Variants in NDST1 observed in about 807,000 individuals in gnomAD.
NDST1 encodes the protein N-deacetylase and N-sulfotransferase 1, also known as bifunctional heparan sulfate N-deacetylase/N-sulfotransferase 1.
Under a neutral mutation model 92.8 loss-of-function variants are expected in NDST1, and 35 were observed. The observed-to-expected ratio is 0.38, with a 90% CI of 0.29 to 0.50. NDST1 has a LOEUF of 0.50. NDST1 is among the 20% of genes least tolerant of loss of function. The probability of loss-of-function intolerance (pLI) is 0.94; values close to 1 mark genes in which losing one functional copy is unlikely to be tolerated. For missense variants in NDST1, 822 were observed against 1,182.7 expected (o/e 0.69, Z 4.47); for synonymous variants, 493 against 500.3 (o/e 0.99, Z 0.19).
chr5:150,540,023 G>T, intron 7 of NDST1, 59 bp from the exon 8 acceptor site: 1 of 1,598,258 alleles, frequency 6.3e-7, no homozygotes, highest in Non-Finnish European at 8.6e-7. Flanking sequence ...CAGAGTTGGC[G>T]GTGAGGGTGG....
intron 1 of NDST1, among the ~76,000 whole-genome samples, chr5:150,500,055 C>T (rs1407109939): frequency 6.6e-6 from 1 of 152,228 alleles, no homozygotes; most frequent in African/African-American, 2.4e-5. Context: ...GTCCAACTGT[C>T]TGTCCCGTCA....
chr5:150,535,548 C>A, intron 5 of NDST1, 152 bp from the exon 6 acceptor site: 1 of 1,181,336 alleles, frequency 8.5e-7, no homozygotes, highest in South Asian at 1.4e-5. Context: ...CTTGCCCTCC[C>A]AGGCCTCAGC....
intron 1 of NDST1, among the ~76,000 whole-genome samples, chr5:150,509,203 CTG>C (rs1753604758): frequency 6.6e-6 from 1 of 152,212 alleles, no homozygotes; most frequent in Non-Finnish European, 1.5e-5. Context: ...CAGGGTGTAT[CTG>C]AGGCCTGGAG....
At chr5:150,519,805 G>A (rs897300166) in intron 1 of NDST1, among the ~76,000 whole-genome samples, 7 of 152,228 alleles carry the variant, frequency 4.6e-5, no homozygotes, top group East Asian at 1.9e-4. Flanking sequence ...TGCTGTTTGG[G>A]ATGAGACAAT....
At chr5:150,547,925 C>T (rs1755562852) in intron 11 of NDST1, among the ~76,000 whole-genome samples, 1 of 152,158 alleles carries the variant, frequency 6.6e-6, no homozygotes, top group African/African-American at 2.4e-5. Flanking sequence ...CTCAAGTGAT[C>T]CACCCACCCC....
rs764351079 is a variant in NDST1, at chr5:150,522,769, CAGAG to C, written c.513+1003_513+1006del. Among the ~76,000 whole-genome samples the C allele has an allele frequency of 4.1e-3, 630 of 152,142 alleles. 3 individuals are homozygous for C. The highest frequency in any genetic ancestry group is 0.014 in the African/African-American group (598 of 41,480). On this transcript the variant is annotated intron_variant, in intron 2 of 14. Coordinates refer to ENST00000261797, the MANE Select transcript of NDST1 (RefSeq NM_001543.5). ...AAAGAAACAAAGCAGGGAAAGGACA[CAGAG>C]GGTAGTGGGGGTGGGAGCTTGACAT...
chr5:150,527,897 A>G lies in NDST1; in HGVS notation c.607A>G (p.Lys203Glu). 6.2e-7 allele frequency: 1 copy of G among 1,614,144 alleles called. No homozygotes were observed. The highest frequency in any genetic ancestry group is 8.5e-7 in the Non-Finnish European group (1 of 1,180,012). Reference protein sequence around the residue: ...LGLKDCSINPKSPLLYVTRPS... With the variant: ...LGLKDCSINPESPLLYVTRPS... ...CCTGAAGGACTGCAGCATCAACCCC[A>G]AGTCCCCGCTGCTCTACGTGACGCG... Residue 203 changes from lysine (K) to glutamate (E), a missense_variant, in exon 3 of 15, where the codon AAG (lysine) becomes GAG (glutamate). Coordinates refer to ENST00000261797, the MANE Select transcript of NDST1 (RefSeq NM_001543.5).
In NDST1 at chr5:150,535,122, A is replaced by G. The variant is rs1450808082; in HGVS notation, c.1251+101A>G. 3 of 1,500,404 alleles carry G rather than the reference A, an allele frequency of 2.0e-6. No individual in the cohort carries two copies. In the African/African-American group the frequency reaches 4.2e-5, roughly 21 times the overall value. 92.9% of individuals were successfully genotyped at this position (1,500,404 alleles called of 1,614,324 possible). A position where few individuals can be genotyped will look rare whatever the true frequency, so the allele number is the denominator to read the frequency against. ...CTGCTTTTGCAGTCTGCTCTGACGG[A>G]TTTTTACTAACACCTCTGGGCCAGG... On this transcript the variant is annotated intron_variant, in intron 5 of 14. Coordinates refer to ENST00000261797, the MANE Select transcript of NDST1 (RefSeq NM_001543.5).
chr5:150,535,058 C>CTA, intron 5 of NDST1, 37 bp downstream of exon 5: 1 of 1,595,206 alleles, frequency 6.3e-7, no homozygotes, highest in Non-Finnish European at 8.5e-7. Context: ...GCGGGGCGGG[C>CTA]TAAGGGCTGG....
rs201952833 is a variant in NDST1 at position 150,527,860 on chromosome 5, C to T, written c.570C>T (p.His190=). 6.8e-6 allele frequency: 11 copies of T among 1,614,058 alleles called. No homozygotes were observed. The highest frequency in any genetic ancestry group is 1.3e-5 in the African/African-American group (1 of 74,940). Residue 190 remains histidine (H), a synonymous_variant, in exon 3 of 15, where the codon CAC becomes CAT. Coordinates refer to ENST00000261797, the MANE Select transcript of NDST1 (RefSeq NM_001543.5). The part of the protein sequence containing the change: ...AQLKGFPLFL[H]SNLGLKDCSI... ...TCAAGGGCTTCCCCCTGTTCCTGCA[C>T]TCAAACCTGGGCCTGAAGGACTGCA...
chr5:150,519,667 A>G (rs966777042), intron 1 of NDST1, among the ~76,000 whole-genome samples: 1 of 152,124 alleles, frequency 6.6e-6, no homozygotes, highest in Non-Finnish European at 1.5e-5. Flanking sequence ...CCTGGGCAAC[A>G]AGAGTGAAAC....
intron 6 of NDST1, among the ~76,000 whole-genome samples, chr5:150,539,002 G>C (rs1450350055): frequency 6.6e-6 from 1 of 152,218 alleles, no homozygotes; most frequent in Non-Finnish European, 1.5e-5. Flanking sequence ...TTTGAGGCCT[G>C]CTCATTTTGT....
chr5:150,533,962 A>G (rs1013199021), intron 4 of NDST1, among the ~76,000 whole-genome samples: 1 of 151,882 alleles, frequency 6.6e-6, no homozygotes, highest in African/African-American at 2.4e-5. Context: ...GTGCTCCTGT[A>G]GTATCAGCTA....
Position 150,555,340 on chromosome 5 carries a change from T to G in NDST1, c.*2008T>G, listed in dbSNP as rs141860884. On this transcript the variant is annotated 3_prime_UTR_variant, in exon 15 of 15. Transcript: ENST00000261797. ...TCCCTCGAGGGGTCCTTCCCCAGCC[T>G]GTGGGGGCCTGGGTCTGTTCTGAGC... 940 of 152,940 alleles carry G rather than the reference T, an allele frequency of 6.1e-3. 2 individuals carry two copies. Among genetic ancestry groups the G allele is most frequent in the Non-Finnish European group, 6.9e-3 (468 of 68,138 alleles). 9.5% of individuals were successfully genotyped at this position (152,940 alleles called of 1,614,324 possible).
intron 3 of NDST1, among the ~76,000 whole-genome samples, chr5:150,530,356 T>C (rs1198458190): frequency 6.6e-6 from 1 of 152,146 alleles, no homozygotes; most frequent in Non-Finnish European, 1.5e-5. Context: ...GGTAGATTGC[T>C]CTGTGTTCTA....
At chr5:150,533,670 A>G (rs1174321957) in intron 4 of NDST1, among the ~76,000 whole-genome samples, 1 of 152,236 alleles carries the variant, frequency 6.6e-6, no homozygotes, top group Admixed American at 6.5e-5. Flanking sequence ...TTGAATTCTA[A>G]GAAAACCATT....
At position 150,521,626 on chromosome 5, in the gene NDST1, G is replaced by A. The variant is rs1383403260; in HGVS notation, c.372G>A (p.Thr124=). The change falls in exon 2 of 15, where the codon ACG becomes ACA. Residue 124 remains threonine, a synonymous_variant. Transcript: ENST00000261797. This position sits in a 1 kb window ranked among gnomAD's most constrained non-coding sequence, Gnocchi z 5.9. The part of the protein sequence containing the change: ...EIAPGKGDMP[T]LTDKGRGRFA... Reference sequence around the variant, plus strand: ...CGCCGGGCAAGGGTGACATGCCCACGCTCACTGACAAGGGCCGTGGCCGCT... The same window carrying A: ...CGCCGGGCAAGGGTGACATGCCCACACTCACTGACAAGGGCCGTGGCCGCT... 5 of 1,614,068 alleles carry A rather than the reference G, an allele frequency of 3.1e-6. No homozygotes were observed. Among genetic ancestry groups the A allele is most frequent in the East Asian group, 2.2e-5 (1 of 44,872 alleles).
At chr5:150,504,328 G>T (rs1753357873), upstream of NDST1, among the ~76,000 whole-genome samples, 1 of 152,164 alleles carries the variant, frequency 6.6e-6, no homozygotes, top group Non-Finnish European at 1.5e-5. Flanking sequence ...GTAAATTGAG[G>T]TCTGGAGAGA....
chr5:150,514,335 C>T lies in NDST1; in HGVS notation c.-388+6109C>T, dbSNP rs117126912. Among the ~76,000 whole-genome samples, 901 of 152,190 alleles carry T rather than the reference C, an allele frequency of 5.9e-3. 30 individuals carry two copies. The highest frequency in any genetic ancestry group is 0.041 in the Admixed American group (629 of 15,302). ...CTGTAATCCTAGCACTTTGGGAAGCCGAAGTGGGTGGATCATCGGAGGTCA... is the reference window on the plus strand; with the variant it reads ...CTGTAATCCTAGCACTTTGGGAAGCTGAAGTGGGTGGATCATCGGAGGTCA... On this transcript the variant is annotated intron_variant, in intron 1 of 14. Transcript: ENST00000261797.
Sources: gnomAD v4.1 joint callset for allele counts (sites outside exome capture counted in the v4.1 genomes callset) on GRCh38, gnomAD v4.1.1 for gene constraint, Gnocchi (gnomAD v3.1) non-coding constraint, MANE v1.5 for transcripts, NCBI Gene and HGNC (gene_info 2026-07-23, HGNC 2026-07-21) for gene names.